Variants in MAST4 observed in about 807,000 individuals in gnomAD.
MAST4 encodes microtubule-associated serine/threonine-protein kinase 4.
In MAST4, 89 loss-of-function variants were observed where a neutral mutation model predicts 162.7. The ratio of observed to expected loss-of-function variants is 0.55; its 90% CI spans 0.46 to 0.65. The LOEUF (loss-of-function observed/expected upper bound fraction) is 0.65, where lower values mean the gene tolerates loss of function less well. MAST4 is among the 30% of genes least tolerant of loss of function. The pLI, the probability that MAST4 is intolerant of heterozygous loss-of-function variation, is 0.00. For missense variants in MAST4, 3,153 were observed against 3,374.0 expected (o/e 0.93, Z 1.62); for synonymous variants, 1,479 against 1,361.1 (o/e 1.09, Z -1.91).
chr5:66,671,769 T>C (rs1747625759), intron 1 of MAST4, among the ~76,000 whole-genome samples: 1 of 152,210 alleles, frequency 6.6e-6, no homozygotes, highest in Admixed American at 6.5e-5. Context: ...GCAGTGATCT[T>C]ACACAAAGTC....
At chr5:67,096,034 G>A (rs1207273107) in intron 7 of MAST4, among the ~76,000 whole-genome samples, 2 of 151,850 alleles carry the variant, frequency 1.3e-5, no homozygotes, top group Non-Finnish European at 2.9e-5. Flanking sequence ...ATTGAACTTC[G>A]ATAGACTGGG....
chr5:66,705,668 A>G (rs1003424643), intron 1 of MAST4, among the ~76,000 whole-genome samples: 1 of 152,046 alleles, frequency 6.6e-6, no homozygotes. Flanking sequence ...TTAAAAACTG[A>G]GCACTCAAAG....
intron 1 of MAST4, among the ~76,000 whole-genome samples, chr5:66,663,506 A>G (rs1046157575): frequency 6.6e-6 from 1 of 152,160 alleles, no homozygotes; most frequent in African/African-American, 2.4e-5. Flanking sequence ...AGTATCCTTG[A>G]GATGATAGCA....
intron 2 of MAST4, among the ~76,000 whole-genome samples, chr5:66,777,627 A>T (rs1754665668): frequency 2.0e-5 from 3 of 152,210 alleles, no homozygotes; most frequent in Non-Finnish European, 4.4e-5. Flanking sequence ...GGGGGCAGTG[A>T]ACACATTTAG....
intron 4 of MAST4, among the ~76,000 whole-genome samples, chr5:67,042,417 A>G (rs1756863092): frequency 6.6e-6 from 1 of 152,226 alleles, no homozygotes; most frequent in African/African-American, 2.4e-5. Context: ...GGCCAATTTC[A>G]TCTTTGCAAA....
chr5:66,985,838 A>G (rs534609043), intron 4 of MAST4, among the ~76,000 whole-genome samples: 61 of 152,170 alleles, frequency 4.0e-4, no homozygotes, highest in Non-Finnish European at 5.7e-4. Context: ...ATAGTAGTGA[A>G]AACTCCAGCA....
At chr5:66,918,584 C>T (rs138443158) in intron 4 of MAST4, among the ~76,000 whole-genome samples, 147 of 152,042 alleles carry the variant, frequency 9.7e-4, no homozygotes, top group Non-Finnish European at 3.2e-4. Context: ...GTAATAAATA[C>T]GTTGTGTTTT....
chr5:66,865,146 G>A (rs1580701086), intron 3 of MAST4, among the ~76,000 whole-genome samples: 1 of 152,214 alleles, frequency 6.6e-6, no homozygotes, highest in Non-Finnish European at 1.5e-5. Flanking sequence ...GGGGAAGGTG[G>A]ATTTGGTGGG....
At chr5:67,109,995 T>G in intron 10 of MAST4, 103 bp from the exon 11 acceptor site, 1 of 789,928 alleles carries the variant, frequency 1.3e-6, no homozygotes. Flanking sequence ...AATTACTCGA[T>G]TTTTGAACAT....
intron 4 of MAST4, among the ~76,000 whole-genome samples, chr5:66,923,279 A>G (rs946143645): frequency 5.3e-5 from 8 of 152,200 alleles, no homozygotes; most frequent in Admixed American, 3.3e-4. Context: ...ATTAAAAGAA[A>G]CGCTGGGTAT....
At chr5:66,728,755 C>G (rs1751667101) in intron 1 of MAST4, among the ~76,000 whole-genome samples, 1 of 152,120 alleles carries the variant, frequency 6.6e-6, no homozygotes, top group African/African-American at 2.4e-5. Flanking sequence ...ATGTGGAAGA[C>G]AAGATGAAGG....
At chr5:67,064,463 A>G (rs544577547) in intron 5 of MAST4, among the ~76,000 whole-genome samples, 1 of 152,328 alleles carries the variant, frequency 6.6e-6, no homozygotes, top group Admixed American at 6.5e-5. Flanking sequence ...CATGTGCCCT[A>G]ATGCAAGTCA....
At chr5:67,129,235 A>G (rs1768633013) in intron 14 of MAST4, among the ~76,000 whole-genome samples, 1 of 152,200 alleles carries the variant, frequency 6.6e-6, no homozygotes, top group Non-Finnish European at 1.5e-5. Flanking sequence ...GCCATGGGGT[A>G]GCACATGCTG....
intron 5 of MAST4, among the ~76,000 whole-genome samples, chr5:67,078,915 T>TAAATAA (rs1561621956): frequency 7.4e-4 from 21 of 28,536 alleles, no homozygotes; most frequent in East Asian, 1.8e-3. Context: ...TATATAAATA[T>TAAATAA]ATATATATAT....
chr5:67,123,492 A>C (rs1767825835), intron 14 of MAST4, among the ~76,000 whole-genome samples: 1 of 152,122 alleles, frequency 6.6e-6, no homozygotes, highest in Non-Finnish European at 1.5e-5. Context: ...TTCTCTTCTC[A>C]CAAGAGCCCT....
chr5:66,626,295 T>C (rs1031907351), intron 1 of MAST4, among the ~76,000 whole-genome samples: 3 of 152,152 alleles, frequency 2.0e-5, no homozygotes, highest in Non-Finnish European at 4.4e-5. Context: ...GTAGGGGTAA[T>C]AGAGATGCAT....
At chr5:66,842,779 C>A (rs1758520001) in intron 3 of MAST4, among the ~76,000 whole-genome samples, 1 of 152,164 alleles carries the variant, frequency 6.6e-6, no homozygotes, top group Admixed American at 6.6e-5. Context: ...AATGCAAATA[C>A]AGACTAGCTT....
At chr5:66,780,592 A>G (rs1754821794) in intron 2 of MAST4, among the ~76,000 whole-genome samples, 2 of 152,214 alleles carry the variant, frequency 1.3e-5, no homozygotes, top group Non-Finnish European at 2.9e-5. Context: ...GAGTGAAAGA[A>G]CAAAGCTTCC....
intron 3 of MAST4, among the ~76,000 whole-genome samples, chr5:66,899,479 A>G (rs189335195): frequency 5.3e-5 from 8 of 152,346 alleles, no homozygotes; most frequent in African/African-American, 1.4e-4. Context: ...AGGAAGTACA[A>G]TATTTGGTAT....
Sources: gnomAD v4.1 joint callset for allele counts (sites outside exome capture counted in the v4.1 genomes callset) on GRCh38, gnomAD v4.1.1 for gene constraint, MANE v1.5 for transcripts, NCBI Gene and HGNC (gene_info 2026-07-23, HGNC 2026-07-21) for gene names.